NKAIN3: variants seen among roughly 807,000 people sequenced by gnomAD.
NKAIN3 encodes the protein sodium/potassium transporting ATPase interacting 3.
A neutral mutation model predicts 30.2 loss-of-function variants in NKAIN3; 25 were observed. The observed-to-expected ratio is 0.83, with a 90% CI of 0.60 to 1.16. NKAIN3 has a LOEUF of 1.16. NKAIN3 is among the 50% of genes most tolerant of loss of function. The pLI, the probability that NKAIN3 is intolerant of heterozygous loss-of-function variation, is 0.00. For synonymous variants in NKAIN3, 91 were observed against 89.6 expected (o/e 1.02, Z -0.09); for missense variants, 225 against 254.1 (o/e 0.89, Z 0.78).
At chr8:62,441,295 A>G (rs928068203) in intron 1 of NKAIN3, among the ~76,000 whole-genome samples, 1 of 151,986 alleles carries the variant, frequency 6.6e-6, no homozygotes, top group African/African-American at 2.4e-5. Context: ...TTCATATCTG[A>G]TAAGATCAGC....
chr8:62,918,611 T>A, intron 5 of NKAIN3, 98 bp downstream of exon 5: 1 of 836,714 alleles, frequency 1.2e-6, no homozygotes, highest in Non-Finnish European at 1.9e-6. Flanking sequence ...TCTTTTATAT[T>A]TGGAGTCTAA....
At chr8:62,726,958 A>T (rs1815279042) in intron 3 of NKAIN3, among the ~76,000 whole-genome samples, 1 of 152,152 alleles carries the variant, frequency 6.6e-6, no homozygotes, top group African/African-American at 2.4e-5. Flanking sequence ...CATTAACAAA[A>T]TATTAGCAAA....
At chr8:62,395,103 G>GGGC (rs890419152) in intron 1 of NKAIN3, among the ~76,000 whole-genome samples, 1 of 150,032 alleles carries the variant, frequency 6.7e-6, no homozygotes, top group African/African-American at 2.5e-5. Flanking sequence ...TCAGATGATG[G>GGGC]GGCGACGGGA....
At chr8:62,937,713 T>G (rs1221286687) in intron 5 of NKAIN3, among the ~76,000 whole-genome samples, 1 of 151,888 alleles carries the variant, frequency 6.6e-6, no homozygotes, top group Admixed American at 6.6e-5. Flanking sequence ...AAAAGGGAAG[T>G]ACAGATACAA....
intron 3 of NKAIN3, among the ~76,000 whole-genome samples, chr8:62,664,371 A>G (rs1166551323): frequency 6.6e-6 from 1 of 151,956 alleles, no homozygotes; most frequent in African/African-American, 2.4e-5. Flanking sequence ...CTGTGATTCC[A>G]TTTTCTCCTG....
At position 62,969,760 on chromosome 8, in the gene NKAIN3, T is replaced by C. The variant is rs144915545; in HGVS notation, c.*4353T>C. Among the ~76,000 whole-genome samples, 805 of 152,306 alleles carry C rather than the reference T, an allele frequency of 5.3e-3. 11 individuals are homozygous for C. The highest frequency in any genetic ancestry group is 0.019 in the African/African-American group (782 of 41,568). On this transcript the variant is annotated 3_prime_UTR_variant, in exon 7 of 7. Transcript: ENST00000623646. ...TTTAAAAGTTATCTGTAACCTTTGTTTGATAGAAGGTCTGTTGAAGTGTCT... is the reference window on the plus strand; with the variant it reads ...TTTAAAAGTTATCTGTAACCTTTGTCTGATAGAAGGTCTGTTGAAGTGTCT...
chr8:62,352,879 C>A (rs1816226408), intron 1 of NKAIN3, among the ~76,000 whole-genome samples: 1 of 152,040 alleles, frequency 6.6e-6, no homozygotes, highest in South Asian at 2.1e-4. Flanking sequence ...ATATTAGGTA[C>A]CACATTAGTA....
At chr8:62,717,919 A>T (rs146169751) in intron 3 of NKAIN3, among the ~76,000 whole-genome samples, 12 of 152,320 alleles carry the variant, frequency 7.9e-5, no homozygotes, top group African/African-American at 2.9e-4. Context: ...CACACTGCTG[A>T]TAAAGACACA....
intron 4 of NKAIN3, among the ~76,000 whole-genome samples, chr8:62,915,995 G>C (rs1376855152): frequency 2.0e-5 from 3 of 152,084 alleles, no homozygotes; most frequent in Admixed American, 2.0e-4. Flanking sequence ...TAAATGAAGA[G>C]ATGCCATTTT....
intron 1 of NKAIN3, among the ~76,000 whole-genome samples, chr8:62,418,259 A>T (rs1235497515): frequency 6.6e-6 from 1 of 152,208 alleles, no homozygotes; most frequent in Non-Finnish European, 1.5e-5. Flanking sequence ...AGTGAATCTA[A>T]GGTGTGAAAT....
intron 4 of NKAIN3, among the ~76,000 whole-genome samples, chr8:62,795,886 G>A (rs1187549002): frequency 6.6e-6 from 1 of 152,122 alleles, no homozygotes; most frequent in Middle Eastern, 3.2e-3. Context: ...GTGTATGCAT[G>A]TGTGTATGTA....
chr8:62,739,547 T>C (rs1192278428), intron 3 of NKAIN3, among the ~76,000 whole-genome samples: 2 of 152,122 alleles, frequency 1.3e-5, no homozygotes, highest in Non-Finnish European at 2.9e-5. Flanking sequence ...TTAGTATGAG[T>C]TTATTTTGGT....
chr8:62,873,483 T>C (rs1053277060), intron 4 of NKAIN3, among the ~76,000 whole-genome samples: 2 of 148,068 alleles, frequency 1.4e-5, no homozygotes, highest in African/African-American at 5.0e-5. Context: ...CTGGATCAAA[T>C]GGATCTAGTA....
At chr8:62,898,510 G>A (rs1224911145) in intron 4 of NKAIN3, among the ~76,000 whole-genome samples, 2 of 152,018 alleles carry the variant, frequency 1.3e-5, no homozygotes, top group South Asian at 4.1e-4. Context: ...CTAAGCTATG[G>A]GTACACGAAG....
At chr8:62,269,896 TATA>T (rs1370485579) in intron 1 of NKAIN3, among the ~76,000 whole-genome samples, 1 of 152,142 alleles carries the variant, frequency 6.6e-6, no homozygotes, top group Non-Finnish European at 1.5e-5. Flanking sequence ...AAACATGGGG[TATA>T]ATAAGTCTAT....
At chr8:62,922,179 C>T (rs1280870886) in intron 5 of NKAIN3, among the ~76,000 whole-genome samples, 1 of 152,132 alleles carries the variant, frequency 6.6e-6, no homozygotes, top group Non-Finnish European at 1.5e-5. Flanking sequence ...TGCTATTATA[C>T]TTTTGAGGAA....
chr8:62,834,652 A>G (rs965924311), intron 4 of NKAIN3, among the ~76,000 whole-genome samples: 8 of 152,116 alleles, frequency 5.3e-5, no homozygotes, highest in Admixed American at 1.3e-4. Context: ...TACAAAGAGA[A>G]CTATAAAACA....
rs1030255983 is a variant in NKAIN3, at chr8:62,694,704, G to T, written c.274-52228G>T. On this transcript the variant is annotated intron_variant, in intron 3 of 6. Coordinates refer to ENST00000623646, the MANE Select transcript of NKAIN3 (RefSeq NM_001304533.3). ...TTGAACTAAACTACCTGGTTACCCT[G>T]CTGTTAGTTCCTGACCCATCCAGCA... 2.0e-5 allele frequency among the ~76,000 whole-genome samples: 3 copies of T among 152,080 alleles called. 1 individual carries two copies. The South Asian group carries it at 6.2e-4, about 31-fold the overall frequency.
At chr8:62,614,140 G>T (rs1322182193) in intron 3 of NKAIN3, among the ~76,000 whole-genome samples, 1 of 151,980 alleles carries the variant, frequency 6.6e-6, no homozygotes, top group African/African-American at 2.4e-5. Flanking sequence ...CATTGTCTGG[G>T]CTTATTTGTA....
Sources: allele counts gnomAD v4.1 joint callset (sites outside exome capture counted in the v4.1 genomes callset), GRCh38; gene constraint gnomAD v4.1.1; transcripts MANE v1.5; gene names NCBI Gene and HGNC (gene_info 2026-07-23, HGNC 2026-07-21).